The following ANAPC1 variants were observed in gnomAD, a reference collection of about 807,000 sequenced individuals.
ANAPC1 encodes the protein anaphase promoting complex subunit 1.
Under a neutral mutation model 208.0 loss-of-function variants are expected in ANAPC1, and 36 were observed. That is an observed-to-expected ratio of 0.17 (90% confidence interval 0.13 to 0.23). The LOEUF is 0.23. Ranked by LOEUF, ANAPC1 falls within the 10% of genes least tolerant of loss-of-function variation. The pLI, the probability that ANAPC1 is intolerant of heterozygous loss-of-function variation, is 1.00. For missense variants in ANAPC1, 942 were observed against 2,011.6 expected (o/e 0.47, Z 10.17); for synonymous variants, 378 against 695.2 (o/e 0.54, Z 7.18).
chr2:111,809,950 C>G (rs978896122), intron 28 of ANAPC1, among the ~76,000 whole-genome samples: 1 of 145,416 alleles, frequency 6.9e-6, no homozygotes, highest in Admixed American at 6.9e-5. Flanking sequence ...CACTACTTAC[C>G]ATTACTTCAT....
intron 38 of ANAPC1, among the ~76,000 whole-genome samples, chr2:111,790,947 A>T (rs2104524233): frequency 6.6e-6 from 1 of 152,350 alleles, no homozygotes; most frequent in Non-Finnish European, 1.5e-5. Flanking sequence ...TTCAATGGCT[A>T]TAGAATGTCA....
intron 43 of ANAPC1, among the ~76,000 whole-genome samples, chr2:111,781,488 AACTG>A (rs1677271066): frequency 6.6e-6 from 1 of 152,276 alleles, no homozygotes; most frequent in Admixed American, 6.5e-5. Flanking sequence ...GGTCATAAGT[AACTG>A]ACTAAAATGA....
chr2:111,841,301 T>A (rs1041567049), intron 17 of ANAPC1, among the ~76,000 whole-genome samples: 1 of 151,606 alleles, frequency 6.6e-6, no homozygotes, highest in Non-Finnish European at 1.5e-5. Flanking sequence ...TACATTCCAG[T>A]TGGGGGAGGA....
At chr2:111,823,000 C>CTTTTTTTTTTTTTT (rs58815496) in intron 24 of ANAPC1, among the ~76,000 whole-genome samples, 1 of 61,312 alleles carries the variant, frequency 1.6e-5, no homozygotes, top group Non-Finnish European at 2.8e-5. Flanking sequence ...TCTTTTTATT[C>CTTTTTTTTTTTTTT]TTTTTTTTTT....
chr2:111,852,608 T>G (rs1573464947), intron 13 of ANAPC1, among the ~76,000 whole-genome samples: 1 of 152,338 alleles, frequency 6.6e-6, no homozygotes, highest in East Asian at 1.9e-4. Flanking sequence ...ATGGATATTT[T>G]ATTTTATCAA....
chr2:111,830,095 G>A (rs1422433196), intron 21 of ANAPC1, among the ~76,000 whole-genome samples: 1 of 151,952 alleles, frequency 6.6e-6, no homozygotes. Context: ...AATAAAATCA[G>A]TATGAAAAGG....
chr2:111,843,218 T>C (rs1426609497), intron 17 of ANAPC1, among the ~76,000 whole-genome samples, 194 bp downstream of exon 17: 1 of 152,214 alleles, frequency 6.6e-6, no homozygotes, highest in Non-Finnish European at 1.5e-5. Flanking sequence ...TCAGTAATTA[T>C]AATCACTAGT....
chr2:111,853,755 C>T (rs537127505), intron 13 of ANAPC1, among the ~76,000 whole-genome samples: 3 of 151,764 alleles, frequency 2.0e-5, no homozygotes, highest in East Asian at 1.9e-4. Context: ...CTCCCTCTGT[C>T]GCCCAGGCTG....
rs1363673038 is a variant in ANAPC1, at chr2:111,823,807, A to G, written c.2812+1159T>C. ...AATGTAGGTAGGGCAGTGGTTCACT[A>G]TAACATTGGGGTGTGTGACAGGAGG... is the stretch of plus-strand genomic sequence containing the variant. On this transcript the variant is annotated intron_variant, in intron 24 of 47. Transcript: ENST00000341068. 4.6e-5 allele frequency among the ~76,000 whole-genome samples: 7 copies of G among 151,648 alleles called. No individual in the cohort carries two copies. In the East Asian group the frequency reaches 5.8e-4, roughly 13 times the overall value.
chr2:111,834,374 G>A (rs1010313460), intron 19 of ANAPC1, among the ~76,000 whole-genome samples: 30 of 152,066 alleles, frequency 2.0e-4, no homozygotes, highest in Non-Finnish European at 4.1e-4. Context: ...ATTTTTTCGT[G>A]ACCTTCCACT....
intron 7 of ANAPC1, among the ~76,000 whole-genome samples, chr2:111,865,245 T>C (rs1264615902): frequency 6.6e-6 from 1 of 152,096 alleles, no homozygotes; most frequent in African/African-American, 2.4e-5. Context: ...CAGCCACAGG[T>C]AAAAGGTCGA....
intron 34 of ANAPC1, among the ~76,000 whole-genome samples, chr2:111,799,125 A>T (rs540450912): frequency 1.2e-4 from 18 of 152,308 alleles, no homozygotes; most frequent in East Asian, 3.9e-4. Flanking sequence ...AAATTTTTTT[A>T]AAAAATAAGC....
At chr2:111,874,425 A>G (rs1682919105) in intron 3 of ANAPC1, among the ~76,000 whole-genome samples, 1 of 151,938 alleles carries the variant, frequency 6.6e-6, no homozygotes, top group Admixed American at 6.6e-5. Context: ...ATTAAACAAT[A>G]CTCCCCATTT....
chr2:111,849,295 T>C lies in ANAPC1; in HGVS notation c.1651-1430A>G, dbSNP rs185029226. Among the ~76,000 whole-genome samples, 134 of 152,296 alleles carry C rather than the reference T, an allele frequency of 8.8e-4. 2 individuals carry two copies. Among genetic ancestry groups the C allele is most frequent in the African/African-American group, 2.9e-3 (120 of 41,562 alleles). Reference sequence around the variant, plus strand: ...CAAAAAGGCACTATTACCAGGCTTATAGAATTCTAAAAAAGTTGGAAACCA... The same window carrying C: ...CAAAAAGGCACTATTACCAGGCTTACAGAATTCTAAAAAAGTTGGAAACCA... On this transcript the variant is annotated intron_variant, in intron 14 of 47. Coordinates refer to ENST00000341068, the MANE Select transcript of ANAPC1 (RefSeq NM_022662.4).
At chr2:111,843,275 A>G (rs1680867429) in intron 17 of ANAPC1, 137 bp downstream of exon 17, 3 of 775,140 alleles carry the variant, frequency 3.9e-6, no homozygotes, top group Middle Eastern at 3.8e-4. Context: ...TACAATATAT[A>G]GATACAATAA....
intron 3 of ANAPC1, among the ~76,000 whole-genome samples, chr2:111,877,348 C>T (rs1394795559): frequency 6.6e-6 from 1 of 151,948 alleles, no homozygotes; most frequent in Non-Finnish European, 1.5e-5. Context: ...AGAACAGTCC[C>T]CACCTTTTTT....
chr2:111,839,000 G>A (rs1160705867), intron 17 of ANAPC1, among the ~76,000 whole-genome samples: 1 of 152,146 alleles, frequency 6.6e-6, no homozygotes, highest in African/African-American at 2.4e-5. Context: ...TCTTTCTCCT[G>A]AACCCACAGC....
chr2:111,853,311 T>A (rs371262365), intron 13 of ANAPC1, among the ~76,000 whole-genome samples: 3 of 152,330 alleles, frequency 2.0e-5, no homozygotes, highest in East Asian at 3.9e-4. Context: ...CTGTTATTTG[T>A]GTTAGACCAT....
chr2:111,844,672 A>T (rs11674795), intron 16 of ANAPC1, among the ~76,000 whole-genome samples: 31,660 of 152,002 alleles, frequency 0.21, 3,422 homozygotes, highest in Middle Eastern at 0.3. Flanking sequence ...AATATTCAAT[A>T]TATGCATCCA....
Sources: allele counts gnomAD v4.1 joint callset (sites outside exome capture counted in the v4.1 genomes callset), GRCh38; gene constraint gnomAD v4.1.1; transcripts MANE v1.5; gene names NCBI Gene and HGNC (gene_info 2026-07-23, HGNC 2026-07-21).